Variants in ACTL6A observed in about 807,000 individuals in gnomAD.
The protein encoded by ACTL6A is actin-like protein 6A.
Under a neutral mutation model 59.2 loss-of-function variants are expected in ACTL6A, and 5 were observed. That is an observed-to-expected ratio of 0.08 (90% CI 0.04 to 0.18). The LOEUF is 0.18. Among genes scored for constraint, ACTL6A ranks in the 10% least tolerant of loss-of-function variants. The pLI, the probability that ACTL6A is intolerant of heterozygous loss-of-function variation, is 1.00. For missense variants in ACTL6A, 285 were observed against 526.9 expected, an observed-to-expected ratio of 0.54 and a Z score of 4.49; for synonymous variants, 154 against 171.8, an observed-to-expected ratio of 0.90 and a Z score of 0.81.
intron 1 of ACTL6A, among the ~76,000 whole-genome samples, chr3:179,565,815 C>T (rs1342531473): frequency 6.6e-6 from 1 of 152,110 alleles, no homozygotes; most frequent in East Asian, 1.9e-4. Context: ...GATTCACCCC[C>T]TAATTTTTTT....
Position 179,579,455 on chromosome 3 carries a change from T to TATACACACACAC in ACTL6A, c.769-1184_769-1183insTACACACACACA, listed in dbSNP as rs1553778005. 3.0e-4 allele frequency among the ~76,000 whole-genome samples: 44 copies of TATACACACACAC among 145,144 alleles called. No individual in the cohort carries two copies. In the East Asian group the frequency reaches 3.3e-3, roughly 11 times the overall value. On this transcript the variant is annotated intron_variant, in intron 8 of 13. Coordinates refer to ENST00000429709, the MANE Select transcript of ACTL6A (RefSeq NM_004301.5). ...TAAAAATTATTTTATTTATATCATA[T>TATACACACACAC]ACACACACACACACACACACACACA...
chr3:179,586,456 T>C (rs1436592393), intron 12 of ACTL6A, 90 bp from the exon 13 acceptor site: 1 of 948,052 alleles, frequency 1.1e-6, no homozygotes, highest in Non-Finnish European at 1.5e-6. Context: ...AGGAAGACCC[T>C]GTCTCTATTT....
Position 179,580,736 on chromosome 3 carries a change from TGAG to T in ACTL6A, c.830+38_830+40del, listed in dbSNP as rs748864371. 8 of 1,481,572 alleles carry T rather than the reference TGAG, an allele frequency of 5.4e-6. No homozygotes were observed. The African/African-American group carries it at 8.6e-5, about 16-fold the overall frequency. 91.8% of individuals were successfully genotyped at this position (1,481,572 alleles called of 1,614,324 possible). On this transcript the variant is annotated intron_variant, in intron 9 of 13. Transcript: ENST00000429709. ...CTTATTAAAATGTATACTTTATAAA[TGAG>T]GAAAGGATTTGTTTAAAAAATACTT...
chr3:179,580,761 A>G, intron 9 of ACTL6A, 60 bp downstream of exon 9: 1 of 1,412,982 alleles, frequency 7.1e-7, no homozygotes, highest in Non-Finnish European at 9.7e-7. Flanking sequence ...TTTAAAAAAT[A>G]CTTAATTGAA....
At chr3:179,581,365 T>C in intron 11 of ACTL6A, 145 bp downstream of exon 11, 5 of 694,040 alleles carry the variant, frequency 7.2e-6, no homozygotes, top group Non-Finnish European at 9.8e-6. Context: ...TGTAAAAAGA[T>C]GAAGTACTAG....
chr3:179,575,286 T>G (rs888315730), intron 5 of ACTL6A: 2 of 428,958 alleles, frequency 4.7e-6, no homozygotes, highest in South Asian at 3.4e-5. Flanking sequence ...TCTTCCCACA[T>G]GCTCCTACTC....
At chr3:179,579,455 T>TACAC (rs10650822) in intron 8 of ACTL6A, among the ~76,000 whole-genome samples, 10,287 of 145,062 alleles carry the variant, frequency 0.071, 426 homozygotes, top group East Asian at 0.11. Context: ...TTATATCATA[T>TACAC]ACACACACAC....
chr3:179,586,501 GA>G, intron 12 of ACTL6A, 44 bp from the exon 13 acceptor site: 2 of 911,084 alleles, frequency 2.2e-6, no homozygotes, highest in Non-Finnish European at 3.3e-6. Flanking sequence ...TTTCTAAGTT[GA>G]GTCACAAGAT....
chr3:179,578,384 A>G (rs566196622), intron 8 of ACTL6A, among the ~76,000 whole-genome samples: 4 of 152,084 alleles, frequency 2.6e-5, no homozygotes, highest in Admixed American at 1.3e-4. Flanking sequence ...AACCCAGGAG[A>G]TGGATGTTGC....
rs116942403 is a variant in ACTL6A, at chr3:179,583,871, A to G, written c.1122+423A>G. 1.6e-3 allele frequency: 244 copies of G among 153,228 alleles called. 2 individuals carry two copies. In the East Asian group the frequency reaches 0.038, roughly 24 times the overall value. The allele number at this position is 153,228 out of a possible 1,614,324, so 9.5% of individuals were successfully genotyped here. A position where few individuals can be genotyped will look rare whatever the true frequency, so the allele number is the denominator to read the frequency against. On this transcript the variant is annotated intron_variant, in intron 12 of 13. Coordinates refer to ENST00000429709, the MANE Select transcript of ACTL6A (RefSeq NM_004301.5). ...TGAAGAAGCTATAGTTTGAATGAATAGTTCAACTCATTGCTAATTTATGAA... is the reference window on the plus strand; with the variant it reads ...TGAAGAAGCTATAGTTTGAATGAATGGTTCAACTCATTGCTAATTTATGAA...
chr3:179,570,326 A>G lies in ACTL6A; in HGVS notation c.277+85A>G. Reference sequence around the variant, plus strand: ...AGTAGTAGCTTCCTATAAGTTGAACATCAACCATGGTTTTTTGTTTTGTTT... The same window carrying G: ...AGTAGTAGCTTCCTATAAGTTGAACGTCAACCATGGTTTTTTGTTTTGTTT... On this transcript the variant is annotated intron_variant, in intron 3 of 13. Transcript: ENST00000429709. This position sits in a 1 kb window ranked among gnomAD's most constrained non-coding sequence, Gnocchi z 4.3. The G allele has an allele frequency of 8.0e-7, 1 of 1,247,274 alleles. No individual in the cohort carries two copies. The highest frequency in any genetic ancestry group is 2.6e-5 in the East Asian group (1 of 38,882). 77.3% of individuals were successfully genotyped at this position (1,247,274 alleles called of 1,614,324 possible).
Position 179,570,939 on chromosome 3 carries a change from T to C in ACTL6A, c.277+698T>C, listed in dbSNP as rs1334103243. ...AAAGGTTTAAACTATTATATAATGC[T>C]GGTAGAGATTCTGAAGGGACTTTCA... On this transcript the variant is annotated intron_variant, in intron 3 of 13. Coordinates refer to ENST00000429709, the MANE Select transcript of ACTL6A (RefSeq NM_004301.5). The surrounding 1 kb of genome is among the most constrained non-coding windows in gnomAD (Gnocchi z 4.3). 5.3e-5 allele frequency among the ~76,000 whole-genome samples: 8 copies of C among 152,154 alleles called. No individual in the cohort carries two copies. The highest frequency in any genetic ancestry group is 1.3e-4 in the Admixed American group (2 of 15,278).
chr3:179,580,488 C>A (rs2108366968), intron 8 of ACTL6A, 152 bp from the exon 9 acceptor site: 1 of 557,160 alleles, frequency 1.8e-6, no homozygotes, highest in Non-Finnish European at 3.1e-6. Context: ...TACTCAGAAT[C>A]CTTGTTAGGT....
At chr3:179,574,288 A>T in intron 4 of ACTL6A, 82 bp from the exon 5 acceptor site, 1 of 781,010 alleles carries the variant, frequency 1.3e-6, no homozygotes, top group Non-Finnish European at 2.2e-6. Flanking sequence ...TATCTTTGTT[A>T]ATATAGTGCT....
chr3:179,587,182 GTA>G, intron 13 of ACTL6A, among the ~76,000 whole-genome samples: 1 of 151,842 alleles, frequency 6.6e-6, no homozygotes, highest in South Asian at 2.1e-4. Context: ...TATCTATACT[GTA>G]TATATAGTTA....
intron 9 of ACTL6A, 86 bp from the exon 10 acceptor site, chr3:179,580,808 T>A (rs1718315383): frequency 1.5e-6 from 2 of 1,355,044 alleles, no homozygotes; most frequent in Admixed American, 2.3e-5. Flanking sequence ...TTTTTTTTTT[T>A]ACAAGTTTAT....
At chr3:179,574,523 A>G (rs1227280356) in intron 5 of ACTL6A, 56 bp downstream of exon 5, 3 of 1,218,694 alleles carry the variant, frequency 2.5e-6, no homozygotes, top group East Asian at 2.4e-5. Context: ...ACTAATGAAT[A>G]TGATAACTCT....
intron 1 of ACTL6A, among the ~76,000 whole-genome samples, chr3:179,568,901 T>G (rs1217908636): frequency 7.2e-5 from 11 of 152,222 alleles, no homozygotes. Flanking sequence ...ACATTTTACA[T>G]ATTAGGAAAC....
rs1560010291 is a variant in ACTL6A at position 179,570,272 on chromosome 3, G to A, written c.277+31G>A. On this transcript the variant is annotated intron_variant, in intron 3 of 13. Transcript: ENST00000429709. The surrounding 1 kb of genome is among the most constrained non-coding windows in gnomAD (Gnocchi z 4.3). The stretch of plus-strand genomic sequence containing the variant: ...ATGTTTTCCCCATGGAATTGATTAT[G>A]GAGTGTACATGTTATATTTTAGATA... 6.3e-7 allele frequency: 1 copy of A among 1,581,316 alleles called. No individual in the cohort carries two copies.
Sources: allele counts gnomAD v4.1 joint callset (sites outside exome capture counted in the v4.1 genomes callset), GRCh38; gene constraint gnomAD v4.1.1; non-coding constraint Gnocchi (gnomAD v3.1); transcripts MANE v1.5; gene names NCBI Gene and HGNC (gene_info 2026-07-23, HGNC 2026-07-21).